Variants in DDHD1 observed in about 807,000 individuals in gnomAD.
DDHD1 encodes phospholipase DDHD1.
Under a neutral mutation model 96.4 loss-of-function variants are expected in DDHD1, and 49 were observed. That is an observed-to-expected ratio of 0.51 (90% CI 0.40 to 0.64). DDHD1 has a LOEUF of 0.64. DDHD1 is among the 30% of genes least tolerant of loss of function. The pLI is 0.00. For missense variants in DDHD1, 1,106 were observed against 1,161.2 expected, an observed-to-expected ratio of 0.95 and a Z score of 0.69; for synonymous variants, 442 against 446.5, an observed-to-expected ratio of 0.99 and a Z score of 0.13.
At chr14:53,110,921 A>G (rs1888052604) in intron 1 of DDHD1, among the ~76,000 whole-genome samples, 1 of 152,180 alleles carries the variant, frequency 6.6e-6, no homozygotes, top group Non-Finnish European at 1.5e-5. Flanking sequence ...GGCTGCAGTG[A>G]GCTGAGATCA....
chr14:53,112,410 C>T (rs1449990668), intron 1 of DDHD1, among the ~76,000 whole-genome samples: 2 of 147,032 alleles, frequency 1.4e-5, no homozygotes, highest in Non-Finnish European at 3.0e-5. Context: ...AGCGAGACTC[C>T]ATCTCAAAAA....
At chr14:53,129,315 C>T (rs534057836) in intron 1 of DDHD1, among the ~76,000 whole-genome samples, 6 of 152,342 alleles carry the variant, frequency 3.9e-5, no homozygotes, top group African/African-American at 1.4e-4. Context: ...AATTTTAAAT[C>T]GGGTAAGCAG....
intron 2 of DDHD1, among the ~76,000 whole-genome samples, chr14:53,095,034 G>A (rs1449159944): frequency 6.6e-6 from 1 of 152,084 alleles, no homozygotes; most frequent in Admixed American, 6.6e-5. Context: ...CACAGTGTCT[G>A]GCACATACCA....
At chr14:53,135,392 G>C (rs183781252) in intron 1 of DDHD1, among the ~76,000 whole-genome samples, 5 of 152,106 alleles carry the variant, frequency 3.3e-5, no homozygotes, top group Non-Finnish European at 7.4e-5. Flanking sequence ...AGATCCACCC[G>C]CTGCCTGCCT....
chr14:53,103,642 C>A, intron 2 of DDHD1, 41 bp downstream of exon 2: 1 of 1,457,576 alleles, frequency 6.9e-7, no homozygotes, highest in East Asian at 2.5e-5. Flanking sequence ...CAACAACTTA[C>A]TTGGTTTGTA....
At chr14:53,144,803 T>C (rs933490226) in intron 1 of DDHD1, among the ~76,000 whole-genome samples, 1 of 152,220 alleles carries the variant, frequency 6.6e-6, no homozygotes, top group African/African-American at 2.4e-5. Context: ...ACTAAATGTC[T>C]ACACTAAGGC....
At chr14:53,103,909 AAAGAG>A in intron 1 of DDHD1, 53 bp from the exon 2 acceptor site, 1 of 1,480,046 alleles carries the variant, frequency 6.8e-7, no homozygotes, top group Non-Finnish European at 9.0e-7. Flanking sequence ...AACTTCCCCA[AAAGAG>A]ACACAGTATC....
chr14:53,143,778 A>G (rs1401797669), intron 1 of DDHD1, among the ~76,000 whole-genome samples: 1 of 152,266 alleles, frequency 6.6e-6, no homozygotes, highest in Non-Finnish European at 1.5e-5. Flanking sequence ...ATCTAAGAAC[A>G]TAAAGTACAT....
rs141891890 is a variant in DDHD1 at position 53,135,696 on chromosome 14, G to A, written c.838+16565C>T. Among the ~76,000 whole-genome samples, 1,257 of 152,288 alleles carry A rather than the reference G, an allele frequency of 8.3e-3. 20 individuals are homozygous for A. The highest frequency in any genetic ancestry group is 0.028 in the African/African-American group (1,180 of 41,550). ...TTGTGCCTAATAGAGAAATACAGACGGTCAAGAATGAAGAGAGTAAATCAG... is the reference window on the plus strand; with the variant it reads ...TTGTGCCTAATAGAGAAATACAGACAGTCAAGAATGAAGAGAGTAAATCAG... On this transcript the variant is annotated intron_variant, in intron 1 of 12. Coordinates refer to ENST00000673822, the MANE Select transcript of DDHD1 (RefSeq NM_001160148.2).
At chr14:53,138,835 T>C (rs1480035052) in intron 1 of DDHD1, among the ~76,000 whole-genome samples, 1 of 152,088 alleles carries the variant, frequency 6.6e-6, no homozygotes, top group African/African-American at 2.4e-5. Context: ...TCTCCACAGA[T>C]ATTACCAGGA....
Position 53,037,373 on chromosome 14 carries a change from C to G in DDHD1, c.*9395G>C, listed in dbSNP as rs532301025. 6.6e-6 allele frequency: 1 copy of G among 152,268 alleles called. No individual in the cohort carries two copies. Among genetic ancestry groups the G allele is most frequent in the South Asian group, 2.1e-4 (1 of 4,826 alleles). 9.4% of individuals were successfully genotyped at this position (152,268 alleles called of 1,614,324 possible). The stretch of plus-strand genomic sequence containing the variant: ...ACTGAACTAATTTACATTCCCACAA[C>G]AGTGTATAAATGTTCTCTTTTCTCT... On this transcript the variant is annotated 3_prime_UTR_variant, in exon 13 of 13. Transcript: ENST00000673822.
chr14:53,049,680 A>G (rs1882365138), intron 12 of DDHD1, among the ~76,000 whole-genome samples: 1 of 139,814 alleles, frequency 7.2e-6, no homozygotes, highest in Non-Finnish European at 1.6e-5. Flanking sequence ...AAAAAAAAAA[A>G]GAACATAAAT....
At chr14:53,114,477 T>C (rs7155663) in intron 1 of DDHD1, among the ~76,000 whole-genome samples, 82,679 of 152,024 alleles carry the variant, frequency 0.54, 24,779 homozygotes, top group South Asian at 0.68. Flanking sequence ...AGACACCTCA[T>C]ACAGGGGAGC....
chr14:53,129,920 G>A (rs867939300), intron 1 of DDHD1, among the ~76,000 whole-genome samples: 1 of 152,154 alleles, frequency 6.6e-6, no homozygotes, highest in African/African-American at 2.4e-5. Flanking sequence ...GGTCTGAGGT[G>A]CCCGACGTCC....
intron 4 of DDHD1, among the ~76,000 whole-genome samples, chr14:53,081,807 A>C (rs1172911478): frequency 6.6e-6 from 1 of 152,180 alleles, no homozygotes; most frequent in African/African-American, 2.4e-5. Context: ...AAAACTGATC[A>C]AACAGGTATG....
Position 53,073,738 on chromosome 14 carries a change from T to C in DDHD1, c.1396+3A>G, listed in dbSNP as rs771846666. 1 of 1,602,276 alleles carries C rather than the reference T, an allele frequency of 6.2e-7. No homozygotes were observed. Among genetic ancestry groups the C allele is most frequent in the Non-Finnish European group, 8.5e-7 (1 of 1,174,626 alleles). Reference sequence around the variant, plus strand: ...AAATCATTCAATTTTTAAATAAATATACCTCCATCAAGAGTAAGTTTTGAC... The same window carrying C: ...AAATCATTCAATTTTTAAATAAATACACCTCCATCAAGAGTAAGTTTTGAC... On this transcript the variant is annotated splice_donor_region_variant and intron_variant, in intron 5 of 12. Transcript: ENST00000673822.
At chr14:53,116,332 C>A (rs996467611) in intron 1 of DDHD1, among the ~76,000 whole-genome samples, 2 of 152,134 alleles carry the variant, frequency 1.3e-5, no homozygotes, top group Non-Finnish European at 2.9e-5. Flanking sequence ...AGAAAATTAA[C>A]AAGGATATTC....
chr14:53,152,994 G>A lies in DDHD1; in HGVS notation c.105C>T (p.Gly35=). Residue 35 remains glycine (G), a synonymous_variant, in exon 1 of 13, where the codon GGC becomes GGT. Coordinates refer to ENST00000673822, the MANE Select transcript of DDHD1 (RefSeq NM_001160148.2). ...ELGSDARPAF[G]GGVCCFEHLP... ...GGTGCTCGAAGCAGCAGACGCCGCC[G>A]CCGAACGCTGGCCTCGCGTCTGAGC... 5.8e-6 allele frequency: 9 copies of A among 1,547,100 alleles called. No individual in the cohort carries two copies. The highest frequency in any genetic ancestry group is 7.0e-6 in the Non-Finnish European group (8 of 1,149,136).
chr14:53,113,133 T>C (rs1051095510), intron 1 of DDHD1, among the ~76,000 whole-genome samples: 1 of 151,284 alleles, frequency 6.6e-6, no homozygotes, highest in African/African-American at 2.4e-5. Flanking sequence ...CTAACTTTTC[T>C]ATTTTTTTTT....
Sources: gnomAD v4.1 joint callset for allele counts (sites outside exome capture counted in the v4.1 genomes callset) on GRCh38, gnomAD v4.1.1 for gene constraint, MANE v1.5 for transcripts, NCBI Gene and HGNC (gene_info 2026-07-23, HGNC 2026-07-21) for gene names.